The following FRAS1 variants were observed in gnomAD, a reference collection of about 807,000 sequenced individuals.
The protein encoded by FRAS1 is extracellular matrix organizing protein FRAS1.
Under a neutral mutation model 435.2 loss-of-function variants are expected in FRAS1, and 290 were observed. The observed-to-expected ratio is 0.67, with a 90% CI of 0.61 to 0.73. The LOEUF (loss-of-function observed/expected upper bound fraction) is 0.73, where lower values mean the gene tolerates loss of function less well. Ranked by LOEUF, FRAS1 falls within the 30% of genes least tolerant of loss-of-function variation. The probability of loss-of-function intolerance (pLI) is 0.00; values close to 1 mark genes in which losing one functional copy is unlikely to be tolerated. For missense variants in FRAS1, 4,860 were observed against 5,001.5 expected (o/e 0.97, Z 0.85); for synonymous variants, 1,800 against 1,851.0 (o/e 0.97, Z 0.71).
At chr4:78,266,065 T>A (rs566388119) in intron 7 of FRAS1, among the ~76,000 whole-genome samples, 1 of 152,330 alleles carries the variant, frequency 6.6e-6, no homozygotes, top group African/African-American at 2.4e-5. Context: ...TAATGGCATC[T>A]TCAACTACAA....
intron 11 of FRAS1, among the ~76,000 whole-genome samples, chr4:78,281,807 A>G (rs1578226124): frequency 1.3e-5 from 2 of 152,314 alleles, no homozygotes; most frequent in East Asian, 3.9e-4. Flanking sequence ...GTTTGCAAGC[A>G]TTCATTCCCC....
At position 78,308,103 on chromosome 4, in the gene FRAS1, G is replaced by T. The variant is rs770723877; in HGVS notation, c.1572G>T (p.Thr524=). 4 of 1,613,704 alleles carry T rather than the reference G, an allele frequency of 2.5e-6. No individual in the cohort carries two copies. The South Asian group carries it at 3.3e-5, about 13-fold the overall frequency. The change falls in exon 15 of 74, where the codon ACG becomes ACT. Residue 524 remains threonine (T), a synonymous_variant. Transcript: ENST00000512123. ...HESCAGCWGP[T]EKHCLACRDP... ...CCTGTGCAGGTTGCTGGGGCCCAAC[G>T]GAGAAGCACTGCTTGGCCTGCAGAG... is the stretch of plus-strand genomic sequence containing the variant.
intron 2 of FRAS1, among the ~76,000 whole-genome samples, chr4:78,156,155 C>T (rs907340606): frequency 5.3e-5 from 8 of 152,140 alleles, no homozygotes; most frequent in South Asian, 2.1e-4. Flanking sequence ...ATTCAAAGGG[C>T]GGAGGTGCAA....
In FRAS1 at chr4:78,488,883, A is replaced by G. The variant is rs1720253646; in HGVS notation, c.8761A>G (p.Met2921Val). ...INDTFQDVPS[M>V]QFAKDLLLVK... ...TCTGTCTGCCCACCTAGTGCCCAGC[A>G]TGCAGTTTGCCAAGGATTTGCTCCT... Residue 2921 changes from methionine to valine, a missense_variant, in exon 59 of 74, where the codon ATG becomes GTG. Met to Val is a conservative substitution (Grantham distance 21). Transcript: ENST00000512123. 6.2e-7 allele frequency: 1 copy of G among 1,612,238 alleles called. No homozygotes were observed. The highest frequency in any genetic ancestry group is 2.2e-5 in the East Asian group (1 of 44,770).
chr4:78,511,624 A>C, intron 64 of FRAS1, 118 bp downstream of exon 64: 1 of 841,054 alleles, frequency 1.2e-6, no homozygotes, highest in Non-Finnish European at 2.0e-6. Context: ...GTGATGATGA[A>C]TGCATCAGTA....
intron 2 of FRAS1, among the ~76,000 whole-genome samples, chr4:78,230,706 G>A (rs969290750): frequency 7.9e-5 from 12 of 152,080 alleles, no homozygotes; most frequent in African/African-American, 1.9e-4. Context: ...TGAATATTGC[G>A]TCCTGTTCGC....
Position 78,430,363 on chromosome 4 carries a change from C to T in FRAS1, c.4915C>T (p.Gln1639Ter). Reference protein sequence around the residue: ...ELFFELRRPPQHGVLLKHTAE... With the variant: ...ELFFELRRPP ...CTTCTTTGAGCTTCGGAGACCTCCA[C>T]AGCATGGTGTGCTTCTTAAGCATAC... The change falls in exon 37 of 74, where the codon CAG becomes TAG. Residue 1639 changes from glutamine (Q) to a stop codon, truncating the protein, a stop_gained. Transcript: ENST00000512123. LOFTEE classifies it high-confidence loss of function. 6.2e-7 allele frequency: 1 copy of T among 1,613,882 alleles called. No homozygotes were observed.
At position 78,269,450 on chromosome 4, in the gene FRAS1, G is replaced by A. The variant is rs528801341; in HGVS notation, c.981+2018G>A. Among the ~76,000 whole-genome samples the A allele has an allele frequency of 2.6e-5, 4 of 152,232 alleles. No individual in the cohort carries two copies. In the South Asian group the frequency reaches 6.2e-4, roughly 24 times the overall value. ...AAGGTCATTTTGATTTCTGATCTTG[G>A]ATACCAAGGATGGATTAAGTGTAAG... On this transcript the variant is annotated intron_variant, in intron 9 of 73. Coordinates refer to ENST00000512123, the MANE Select transcript of FRAS1 (RefSeq NM_025074.7).
intron 14 of FRAS1, among the ~76,000 whole-genome samples, chr4:78,306,123 GGTTA>G (rs1304824674): frequency 2.0e-5 from 3 of 151,978 alleles, no homozygotes; most frequent in African/African-American, 7.3e-5. Flanking sequence ...CACTTATGAA[GGTTA>G]GTTTGGCTAG....
chr4:78,239,988 C>G (rs981508989), intron 3 of FRAS1, among the ~76,000 whole-genome samples: 1 of 152,040 alleles, frequency 6.6e-6, no homozygotes, highest in African/African-American at 2.4e-5. Flanking sequence ...CGTTTACTGT[C>G]TCTTTTATTC....
Position 78,318,876 on chromosome 4 carries a change from C to T in FRAS1, c.2027C>T (p.Pro676Leu), listed in dbSNP as rs202043019. Residue 676 changes from proline (P) to leucine (L), a missense_variant, in exon 18 of 74, where the codon CCA becomes CTA. Coordinates refer to ENST00000512123, the MANE Select transcript of FRAS1 (RefSeq NM_025074.7). ...APSHCTGCKK[P>L]EEGLQVEQLS... is the part of the protein sequence containing the mutation. ...TCTCACTGTACTGGGTGTAAGAAGCCAGAGGAAGGACTGCAAGTGGAGCAG... is the reference window on the plus strand; with the variant it reads ...TCTCACTGTACTGGGTGTAAGAAGCTAGAGGAAGGACTGCAAGTGGAGCAG... 829 of 1,613,834 alleles carry T rather than the reference C, an allele frequency of 5.1e-4. 1 individual carries two copies. Among genetic ancestry groups the T allele is most frequent in the Non-Finnish European group, 6.5e-4 (770 of 1,179,870 alleles).
intron 20 of FRAS1, among the ~76,000 whole-genome samples, chr4:78,360,987 T>C (rs1731052734): frequency 6.6e-6 from 1 of 152,238 alleles, no homozygotes; most frequent in South Asian, 2.1e-4. Flanking sequence ...CACCTGCAGA[T>C]CTTGGTGATG....
At chr4:78,064,056 T>C (rs1377973615) in intron 1 of FRAS1, among the ~76,000 whole-genome samples, 3 of 151,866 alleles carry the variant, frequency 2.0e-5, no homozygotes, top group East Asian at 3.9e-4. Flanking sequence ...TATGTACACA[T>C]ATATATATTT....
chr4:78,103,494 T>A (rs1023775787), intron 2 of FRAS1, among the ~76,000 whole-genome samples: 9 of 152,120 alleles, frequency 5.9e-5, no homozygotes, highest in African/African-American at 2.2e-4. Context: ...CTAGCAGGGA[T>A]GTGCATTTAT....
intron 32 of FRAS1, among the ~76,000 whole-genome samples, chr4:78,417,655 C>T (rs1369149457): frequency 6.6e-6 from 1 of 152,162 alleles, no homozygotes; most frequent in East Asian, 1.9e-4. Flanking sequence ...TTCTAACCTG[C>T]AAATTCTGCC....
chr4:78,454,211 A>G (rs1719116149), intron 47 of FRAS1, among the ~76,000 whole-genome samples: 1 of 151,720 alleles, frequency 6.6e-6, no homozygotes, highest in Admixed American at 6.6e-5. Context: ...CAGAGGGATC[A>G]GCAAACATCA....
intron 33 of FRAS1, among the ~76,000 whole-genome samples, chr4:78,419,343 C>T (rs916251410): frequency 1.3e-5 from 2 of 152,196 alleles, no homozygotes; most frequent in East Asian, 1.9e-4. Flanking sequence ...TTGAGCTCCC[C>T]TCCCATGTAC....
At position 78,515,877 on chromosome 4, in the gene FRAS1, C is replaced by T; in HGVS notation, c.10253C>T (p.Pro3418Leu). The part of the protein sequence containing the change: ...PGYDRPFQFD[P>L]SVREPKTIQL... ...TACGATCGCCCCTTCCAGTTTGACC[C>T]CAGCGTGCGAGAGCCGAAGACCATC... The change falls in exon 66 of 74, where the codon CCC becomes CTC. Residue 3418 changes from proline to leucine, a missense_variant. Pro to Leu is a moderately conservative substitution (Grantham distance 98). Transcript: ENST00000512123. 6.2e-7 allele frequency: 1 copy of T among 1,614,004 alleles called. No homozygotes were observed. Among genetic ancestry groups the T allele is most frequent in the Admixed American group, 1.7e-5 (1 of 60,024 alleles).
At chr4:78,192,187 A>G (rs566212521) in intron 2 of FRAS1, among the ~76,000 whole-genome samples, 7 of 152,284 alleles carry the variant, frequency 4.6e-5, no homozygotes, top group Non-Finnish European at 1.0e-4. Flanking sequence ...GTTTGCCAGT[A>G]TTTTATTGAG....
Sources: allele counts gnomAD v4.1 joint callset (sites outside exome capture counted in the v4.1 genomes callset), GRCh38; gene constraint gnomAD v4.1.1; transcripts MANE v1.5; gene names NCBI Gene and HGNC (gene_info 2026-07-23, HGNC 2026-07-21).